Variants in PKIB observed in about 807,000 individuals in gnomAD.
PKIB encodes the protein cAMP-dependent protein kinase inhibitor beta, also known as PKI-beta.
A neutral mutation model predicts 4.5 loss-of-function variants in PKIB; 2 were observed. The observed-to-expected ratio is 0.44, with a 90% CI of 0.18 to 1.39. PKIB has a LOEUF of 1.39. Among genes scored for constraint, PKIB ranks in the 40% most tolerant of loss-of-function variants. PKIB has a pLI of 0.27. For synonymous variants in PKIB, 38 were observed against 36.0 expected (o/e 1.06, Z -0.20); for missense variants, 94 against 92.6 (o/e 1.02, Z -0.06).
At chr6:122,576,711 T>TATATATATATATATATATATATATATA (rs1554221348) in intron 2 of PKIB, among the ~76,000 whole-genome samples, 2 of 75,700 alleles carry the variant, frequency 2.6e-5, no homozygotes, top group African/African-American at 1.1e-4. Context: ...TATATATATA[T>TATATATATATATATATATATATATATA]TTTCTTTTGT....
intron 1 of PKIB, among the ~76,000 whole-genome samples, chr6:122,615,962 A>C (rs1438783901): frequency 6.6e-6 from 1 of 152,178 alleles, no homozygotes; most frequent in Non-Finnish European, 1.5e-5. Context: ...AGTTTGTGGT[A>C]ATTTGTTACA....
chr6:122,627,240 T>C (rs1775489439), intron 1 of PKIB, among the ~76,000 whole-genome samples: 2 of 149,320 alleles, frequency 1.3e-5, no homozygotes, highest in South Asian at 4.2e-4. Flanking sequence ...TTAGACTCCG[T>C]CTCCAAAAAA....
chr6:122,575,758 G>A (rs373852512), intron 2 of PKIB, among the ~76,000 whole-genome samples: 10 of 152,280 alleles, frequency 6.6e-5, no homozygotes, highest in African/African-American at 2.4e-4. Flanking sequence ...GGACTTTGTG[G>A]ACTCAGAGGG....
intron 2 of PKIB, among the ~76,000 whole-genome samples, chr6:122,582,459 T>C (rs1460032282): frequency 6.6e-6 from 1 of 152,134 alleles, no homozygotes; most frequent in Non-Finnish European, 1.5e-5. Flanking sequence ...TTCCATAATG[T>C]GACATTAAAC....
At chr6:122,600,658 C>G (rs1170221713) in intron 3 of PKIB, among the ~76,000 whole-genome samples, 1 of 152,090 alleles carries the variant, frequency 6.6e-6, no homozygotes, top group Non-Finnish European at 1.5e-5. Flanking sequence ...CAGACTCAGA[C>G]AGATAAAGTC....
At chr6:122,492,648 T>G (rs1775969170) in intron 2 of PKIB, among the ~76,000 whole-genome samples, 2 of 152,170 alleles carry the variant, frequency 1.3e-5, no homozygotes, top group African/African-American at 2.4e-5. Flanking sequence ...ACTCTAACAT[T>G]TTATGTTTTA....
intron 3 of PKIB, among the ~76,000 whole-genome samples, chr6:122,601,140 A>G (rs1387573176): frequency 6.6e-6 from 1 of 152,038 alleles, no homozygotes; most frequent in Admixed American, 6.6e-5. Flanking sequence ...AAGGGCCCCA[A>G]ATAATGAACA....
At chr6:122,485,210 C>CTT (rs907386583) in intron 2 of PKIB, among the ~76,000 whole-genome samples, 6 of 141,472 alleles carry the variant, frequency 4.2e-5, no homozygotes, top group East Asian at 2.0e-4. Flanking sequence ...CAAAAATATT[C>CTT]TTTTTTTTTT....
chr6:122,715,661 A>G (rs1215995355), intron 3 of PKIB, among the ~76,000 whole-genome samples: 3 of 150,720 alleles, frequency 2.0e-5, no homozygotes, highest in South Asian at 2.1e-4. Context: ...ATATATATAT[A>G]TATACATACA....
Position 122,672,448 on chromosome 6 carries a change from T to C in PKIB, c.-75-2630T>C, listed in dbSNP as rs144480866. On this transcript the variant is annotated intron_variant, in intron 2 of 4. Coordinates refer to ENST00000368452, the MANE Select transcript of PKIB (RefSeq NM_181795.3). ...TGATAAATTTCTGCTGATTCACCCA[T>C]ACTTTGATCTGTTCCCTTTGTAAAG... Among the ~76,000 whole-genome samples the C allele has an allele frequency of 3.9e-3, 588 of 152,336 alleles. 2 individuals carry two copies. Among genetic ancestry groups the C allele is most frequent in the African/African-American group, 0.013 (547 of 41,580 alleles).
At chr6:122,588,764 A>T (rs1773928992) in intron 3 of PKIB, among the ~76,000 whole-genome samples, 1 of 152,186 alleles carries the variant, frequency 6.6e-6, no homozygotes, top group Non-Finnish European at 1.5e-5. Context: ...TCAGTGAATG[A>T]ATAACTTAAG....
At chr6:122,712,990 G>T (rs74600305) in intron 3 of PKIB, among the ~76,000 whole-genome samples, 6,492 of 152,088 alleles carry the variant, frequency 0.043, 270 homozygotes, top group African/African-American at 0.11. Flanking sequence ...AGCCTTTAGT[G>T]CTCCATTTAT....
At chr6:122,547,723 C>T (rs773560019) in intron 2 of PKIB, among the ~76,000 whole-genome samples, 2 of 136,200 alleles carry the variant, frequency 1.5e-5, no homozygotes, top group African/African-American at 2.7e-5. Context: ...GCTGCATGGC[C>T]GGCTCTCCCT....
At chr6:122,501,931 T>G (rs1169735837) in intron 2 of PKIB, among the ~76,000 whole-genome samples, 1 of 69,798 alleles carries the variant, frequency 1.4e-5, no homozygotes, top group African/African-American at 6.4e-5. Flanking sequence ...CCAGGCCACT[T>G]TTTTTTTTTT....
chr6:122,520,661 T>TCCCTCCC (rs543467489), intron 2 of PKIB, among the ~76,000 whole-genome samples: 3 of 55,546 alleles, frequency 5.4e-5, no homozygotes, highest in Non-Finnish European at 7.6e-5. Context: ...AAGTTTATGT[T>TCCCTCCC]CCCACCCCCC....
At chr6:122,667,351 C>A (rs1777264525) in intron 2 of PKIB, among the ~76,000 whole-genome samples, 1 of 152,086 alleles carries the variant, frequency 6.6e-6, no homozygotes, top group Admixed American at 6.5e-5. Context: ...TCCTGGCTAA[C>A]ACAGTGAAAC....
Position 122,551,874 on chromosome 6 carries a change from C to CTTTTT in PKIB, c.-247-34026_-247-34022dup, listed in dbSNP as rs61025863. 2.5e-3 allele frequency among the ~76,000 whole-genome samples: 219 copies of CTTTTT among 87,506 alleles called. 3 individuals carry two copies. The highest frequency in any genetic ancestry group is 8.9e-3 in the African/African-American group (210 of 23,518). The allele number at this position is 87,506 out of a possible 152,430, so 57.4% of individuals were successfully genotyped here. ...GGAAGGAATCTTTGACTTAGTACATCTTTTTTTTTTTTTTTTTTTTTTTTT... is the reference window on the plus strand; with the variant it reads ...GGAAGGAATCTTTGACTTAGTACATCTTTTTTTTTTTTTTTTTTTTTTTTTTTTTT... On this transcript the variant is annotated intron_variant, in intron 2 of 6. Coordinates refer to the PKIB transcript ENST00000392491.
chr6:122,678,022 C>G (rs1157018919), intron 3 of PKIB, among the ~76,000 whole-genome samples: 2 of 152,076 alleles, frequency 1.3e-5, no homozygotes, highest in Non-Finnish European at 2.9e-5. Context: ...ATTCTCCTGC[C>G]TCTGCCTCCC....
chr6:122,542,233 C>T (rs1437822592), intron 2 of PKIB, among the ~76,000 whole-genome samples: 11 of 152,074 alleles, frequency 7.2e-5, no homozygotes, highest in South Asian at 4.1e-4. Context: ...TGAGGAGCTG[C>T]GTTCCTTTGG....
Sources: allele counts gnomAD v4.1 joint callset (sites outside exome capture counted in the v4.1 genomes callset), GRCh38; gene constraint gnomAD v4.1.1; transcripts MANE v1.5; gene names NCBI Gene and HGNC (gene_info 2026-07-23, HGNC 2026-07-21).